The following FANCD2 variants were observed in gnomAD, a reference collection of about 807,000 sequenced individuals.
FANCD2 encodes the protein FA complementation group D2, also known as Fanconi anemia group D2 protein.
In FANCD2, 131 loss-of-function variants were observed where a neutral mutation model predicts 192.3. The observed-to-expected ratio is 0.68, with a 90% CI of 0.59 to 0.79. The LOEUF is 0.79. Ranked by LOEUF, FANCD2 falls within the 30% of genes least tolerant of loss-of-function variation. The pLI, the probability that FANCD2 is intolerant of heterozygous loss-of-function variation, is 0.00. For missense variants in FANCD2, 1,508 were observed against 1,701.6 expected, an observed-to-expected ratio of 0.89 and a Z score of 2.00; for synonymous variants, 524 against 612.5, an observed-to-expected ratio of 0.86 and a Z score of 2.13.
chr3:10,070,033 C>T (rs11925559), intron 26 of FANCD2, among the ~76,000 whole-genome samples: 19,339 of 149,986 alleles, frequency 0.13, 1,962 homozygotes, highest in African/African-American at 0.3. Context: ...CTCTGCCCGG[C>T]CACCCATCGT....
Position 10,095,492 on chromosome 3 carries a change from T to A in FANCD2, c.4038+218T>A. The A allele has an allele frequency of 5.0e-6, 3 of 594,684 alleles. No individual in the cohort carries two copies. In the South Asian group the frequency reaches 6.0e-5, roughly 12 times the overall value. The allele number at this position is 594,684 out of a possible 1,614,324, so 36.8% of individuals were successfully genotyped here. A position where few individuals can be genotyped will look rare whatever the true frequency, so the allele number is the denominator to read the frequency against. ...TGAAATTTGATTCAAACTCCAAAGC[T>A]CTTTTTCCTCTAGAAACTTCTTGGG... On this transcript the variant is annotated intron_variant, in intron 41 of 43. Coordinates refer to ENST00000675286, the MANE Select transcript of FANCD2 (RefSeq NM_001018115.3).
At chr3:10,082,280 T>G (rs1051011025) in intron 32 of FANCD2, among the ~76,000 whole-genome samples, 14 of 152,214 alleles carry the variant, frequency 9.2e-5, no homozygotes, top group Non-Finnish European at 2.1e-4. Context: ...TTTTATTTTC[T>G]GTTATAAATA....
chr3:10,073,685 C>T (rs550943856), intron 28 of FANCD2, among the ~76,000 whole-genome samples: 2 of 152,198 alleles, frequency 1.3e-5, no homozygotes, highest in East Asian at 1.9e-4. Flanking sequence ...TTGTACTGTT[C>T]GTAGAATGAG....
chr3:10,046,215 G>A (rs370624437), intron 14 of FANCD2, among the ~76,000 whole-genome samples: 16 of 151,858 alleles, frequency 1.1e-4, no homozygotes, highest in Admixed American at 2.6e-4. Flanking sequence ...TGCCACACCC[G>A]GCTAATTTTT....
At chr3:10,029,021 G>A (rs1253125885) in intron 2 of FANCD2, among the ~76,000 whole-genome samples, 2 of 152,106 alleles carry the variant, frequency 1.3e-5, no homozygotes, top group East Asian at 3.8e-4. Flanking sequence ...AACATAGTCT[G>A]TACCCTTAAA....
At chr3:10,040,829 A>T in intron 9 of FANCD2, 1 of 277,246 alleles carries the variant, frequency 3.6e-6, no homozygotes, top group Non-Finnish European at 7.1e-6. Context: ...TGGGCAAAGT[A>T]CTACGCCATC....
chr3:10,088,863 C>G lies in FANCD2; in HGVS notation c.3596C>G (p.Ala1199Gly). Residue 1199 changes from alanine to glycine, a missense_variant, in exon 36 of 44, where the codon GCC (alanine) becomes GGC (glycine). Transcript: ENST00000675286. ...YLEHTESILK[A>G]IEEIAGVGVP... ...GAGCACACAGAGAGCATTCTGAAGG[C>G]CATAGAGGAGATTGCTGGTGTTGGT... is the stretch of plus-strand genomic sequence containing the variant. The G allele has an allele frequency of 1.9e-6, 3 of 1,613,980 alleles. No homozygotes were observed. Among genetic ancestry groups the G allele is most frequent in the Non-Finnish European group, 2.5e-6 (3 of 1,179,828 alleles).
chr3:10,049,065 A>G (rs2087118201), intron 16 of FANCD2, among the ~76,000 whole-genome samples: 1 of 152,210 alleles, frequency 6.6e-6, no homozygotes, highest in Non-Finnish European at 1.5e-5. Context: ...ACCTCAACCT[A>G]AAGGGTAAAA....
chr3:10,026,495 C>T (rs1286223720), intron 1 of FANCD2, 22 bp downstream of exon 1: 8 of 514,456 alleles, frequency 1.6e-5, no homozygotes, highest in African/African-American at 1.4e-4. Flanking sequence ...GAGCAATGGT[C>T]GTAGTCTCTC....
At chr3:10,031,366 G>A (rs929911642) in intron 2 of FANCD2, among the ~76,000 whole-genome samples, 1 of 152,086 alleles carries the variant, frequency 6.6e-6, no homozygotes, top group African/African-American at 2.4e-5. Context: ...AGCCGGGCGT[G>A]GTGGTGTGCA....
At position 10,101,188 on chromosome 3, in the gene FANCD2, G is replaced by A. The variant is rs759546582; in HGVS notation, c.4282G>A (p.Asp1428Asn). 16 of 1,611,614 alleles carry A rather than the reference G, an allele frequency of 9.9e-6. No individual in the cohort carries two copies. Among genetic ancestry groups the A allele is most frequent in the Non-Finnish European group, 1.4e-5 (16 of 1,177,844 alleles). ...SQASKSKATE[D>N]GEEDEVSAGE... ...TATTTATTTATTCTTTGCCCCTTAG[G>A]ATGGTGAAGAAGACGAAGTAAGTGC... Residue 1428 changes from aspartate (D) to asparagine (N), a missense_variant and splice_region_variant, in exon 44 of 44, where the codon GAT (aspartate) becomes AAT (asparagine). Transcript: ENST00000675286.
intron 34 of FANCD2, 23 bp from the exon 35 acceptor site, chr3:10,088,426 T>C: frequency 6.9e-7 from 1 of 1,448,838 alleles, no homozygotes; most frequent in Non-Finnish European, 9.7e-7. Context: ...TATGTAAGAT[T>C]CCTTTGTCTT....
Position 10,098,332 on chromosome 3 carries a change from C to T in FANCD2, c.4186-388C>T, listed in dbSNP as rs533863431. ...AGCTGATGTTCTGAAACCACCTCAC[C>T]ATACTGTCCTTTAGCCTCCGCATGG... On this transcript the variant is annotated intron_variant, in intron 42 of 43. Coordinates refer to ENST00000675286, the MANE Select transcript of FANCD2 (RefSeq NM_001018115.3). Among the ~76,000 whole-genome samples the T allele has an allele frequency of 2.2e-4, 33 of 152,246 alleles. No individual in the cohort carries two copies. The East Asian group carries it at 3.1e-3, about 14-fold the overall frequency.
At chr3:10,043,396 G>T in intron 12 of FANCD2, 88 bp from the exon 13 acceptor site, 1 of 1,053,210 alleles carries the variant, frequency 9.5e-7, no homozygotes, top group South Asian at 1.3e-5. Context: ...GTTGTCATTT[G>T]CTCCAGGGTA....
At chr3:10,050,255 G>A (rs1305388702) in intron 17 of FANCD2, among the ~76,000 whole-genome samples, 1 of 151,918 alleles carries the variant, frequency 6.6e-6, no homozygotes, top group Non-Finnish European at 1.5e-5. Context: ...CCAGATTTTG[G>A]TCACGGGAAT....
intron 6 of FANCD2, 35 bp from the exon 7 acceptor site, chr3:10,036,252 G>T: frequency 6.4e-7 from 1 of 1,553,128 alleles, no homozygotes; most frequent in Non-Finnish European, 8.9e-7. Context: ...TGTATTTTGA[G>T]ATCATCTCCT....
chr3:10,079,470 T>A (rs1160191706), intron 30 of FANCD2, among the ~76,000 whole-genome samples: 4 of 151,932 alleles, frequency 2.6e-5, no homozygotes, highest in Admixed American at 2.0e-4. Context: ...CACACCCAGC[T>A]AATTTTTGTA....
At chr3:10,039,155 G>C (rs1332388686) in intron 7 of FANCD2, 124 bp from the exon 8 acceptor site, 1 of 644,396 alleles carries the variant, frequency 1.6e-6, no homozygotes, top group Non-Finnish European at 2.8e-6. Flanking sequence ...GTGCAGTGCC[G>C]AATGCATAGT....
chr3:10,087,631 T>C (rs1317415930), intron 34 of FANCD2, among the ~76,000 whole-genome samples: 1 of 151,944 alleles, frequency 6.6e-6, no homozygotes, highest in East Asian at 1.9e-4. Context: ...ATAAAAGAAA[T>C]ACTGGCCTCT....
Sources: gnomAD v4.1 joint callset for allele counts (sites outside exome capture counted in the v4.1 genomes callset) on GRCh38, gnomAD v4.1.1 for gene constraint, MANE v1.5 for transcripts, NCBI Gene and HGNC (gene_info 2026-07-23, HGNC 2026-07-21) for gene names.